Variants in TRPV1 observed in about 807,000 individuals in gnomAD.
TRPV1 encodes the protein OTRPC1.
A neutral mutation model predicts 82.3 loss-of-function variants in TRPV1; 82 were observed. That is an observed-to-expected ratio of 1.00 (90% confidence interval 0.83 to 1.20). The LOEUF (loss-of-function observed/expected upper bound fraction) is 1.20. Ranked by LOEUF, TRPV1 falls within the 50% of genes most tolerant of loss-of-function variation. The probability of loss-of-function intolerance (pLI) is 0.00; values close to 1 mark genes in which losing one functional copy is unlikely to be tolerated. For missense variants in TRPV1, 1,067 were observed against 1,096.8 expected (o/e 0.97, Z 0.38); for synonymous variants, 515 against 467.7 (o/e 1.10, Z -1.30).
At chr17:3,589,084 G>C (rs1437703750) in intron 7 of TRPV1, 2 of 927,030 alleles carry the variant, frequency 2.2e-6, no homozygotes, top group Non-Finnish European at 3.3e-6. Context: ...CCAAGAGCTG[G>C]AGGCCTGTCA....
chr17:3,595,771 G>C (rs1567674247), intron 2 of TRPV1: 1 of 152,264 alleles, frequency 6.6e-6, no homozygotes, highest in Non-Finnish European at 1.5e-5. Context: ...ACAGGAAGCA[G>C]CCGGGATTGT....
intron 2 of TRPV1, among the ~76,000 whole-genome samples, chr17:3,598,568 T>G (rs929649886): frequency 5.4e-5 from 8 of 149,326 alleles, no homozygotes; most frequent in Non-Finnish European, 1.2e-4. Context: ...AGTCACTTTT[T>G]TTTTTTTTTT....
chr17:3,580,342 A>G, intron 11 of TRPV1, 115 bp downstream of exon 11: 1 of 1,034,794 alleles, frequency 9.7e-7, no homozygotes, highest in Non-Finnish European at 1.5e-6. Context: ...TCATTCCCTC[A>G]GCATGTTCAC....
chr17:3,577,944 G>C (rs906065225), intron 11 of TRPV1, 181 bp from the exon 12 acceptor site: 1 of 592,508 alleles, frequency 1.7e-6, no homozygotes, highest in African/African-American at 1.9e-5. Context: ...TCCCCAAGGA[G>C]CAGAAATTGG....
chr17:3,608,903 T>C (rs59652780), intron 1 of TRPV1: 1 of 141,680 alleles, frequency 7.1e-6, no homozygotes, highest in East Asian at 1.9e-4. Context: ...GCTTTGTATT[T>C]ATTTATGAGA....
intron 2 of TRPV1, among the ~76,000 whole-genome samples, chr17:3,593,128 G>C (rs1366227029): frequency 0.017 from 761 of 43,990 alleles, 15 homozygotes; most frequent in African/African-American, 0.13. Context: ...GTGTGTGTGT[G>C]TGTGTGTGTC....
At chr17:3,586,608 CA>C (rs534082694) in intron 8 of TRPV1, among the ~76,000 whole-genome samples, 236 of 152,026 alleles carry the variant, frequency 1.6e-3, no homozygotes, top group African/African-American at 5.2e-3. Context: ...TCCTTCTCTA[CA>C]AAAATACAAA....
At chr17:3,594,889 A>G (rs553437747) in intron 2 of TRPV1, among the ~76,000 whole-genome samples, 2 of 152,248 alleles carry the variant, frequency 1.3e-5, no homozygotes, top group East Asian at 3.9e-4. Flanking sequence ...TAGGGTCTGG[A>G]GACAGACAGG....
At chr17:3,594,962 A>G (rs942759744) in intron 2 of TRPV1, among the ~76,000 whole-genome samples, 8 of 152,182 alleles carry the variant, frequency 5.3e-5, no homozygotes, top group Admixed American at 5.2e-4. Context: ...GCCGGGTTAG[A>G]ACCAGATGGC....
At chr17:3,595,957 G>A (rs1472914492) in intron 2 of TRPV1, 6 of 152,300 alleles carry the variant, frequency 3.9e-5, no homozygotes, top group Admixed American at 3.9e-4. Flanking sequence ...CAGGCCTGGA[G>A]TGTACCCTGC....
At chr17:3,589,558 T>C (rs1193644891) in intron 7 of TRPV1, among the ~76,000 whole-genome samples, 1 of 152,138 alleles carries the variant, frequency 6.6e-6, no homozygotes, top group African/African-American at 2.4e-5. Flanking sequence ...CCCAGCACCC[T>C]ACCCCACCCC....
intron 2 of TRPV1, among the ~76,000 whole-genome samples, chr17:3,597,801 A>G (rs1056928085): frequency 2.0e-5 from 3 of 151,382 alleles, no homozygotes; most frequent in Non-Finnish European, 4.4e-5. Flanking sequence ...AGCCTCCCGA[A>G]TAGCTGCAAT....
In TRPV1 at chr17:3,573,868, G is replaced by A; in HGVS notation, c.1868C>T (p.Pro623Leu). 1.2e-6 allele frequency: 2 copies of A among 1,611,930 alleles called. No individual in the cohort carries two copies. The highest frequency in any genetic ancestry group is 1.7e-6 in the Non-Finnish European group (2 of 1,179,468). Residue 623 changes from proline to leucine, a missense_variant, in exon 14 of 17, where the codon CCC becomes CTC. By Grantham distance (98) the Pro-to-Leu change is moderately conservative. Coordinates refer to ENST00000572705, the MANE Select transcript of TRPV1 (RefSeq NM_080704.4). Reference sequence around the variant, plus strand: ...CAGGCTGTTGTAGGAGCTATCGGGGGGCCTGCAGGCAGGCCCCCGCCACCT... The same window carrying A: ...CAGGCTGTTGTAGGAGCTATCGGGGAGCCTGCAGGCAGGCCCCCGCCACCT... The part of the protein sequence containing the change: ...SHRWRGPACR[P>L]PDSSYNSLYS...
Position 3,600,358 on chromosome 17 carries a change from T to C in TRPV1, c.-33-7975A>G, listed in dbSNP as rs144766424. 3.6e-3 allele frequency among the ~76,000 whole-genome samples: 550 copies of C among 152,200 alleles called. 6 individuals are homozygous for C. In the East Asian group the frequency reaches 0.047, roughly 13 times the overall value. Reference sequence around the variant, plus strand: ...ATCCTAGCACTTTGGGAGGCAGAAGTGGGCGGACTGTCTGAGGTCAGGAGT... The same window carrying C: ...ATCCTAGCACTTTGGGAGGCAGAAGCGGGCGGACTGTCTGAGGTCAGGAGT... On this transcript the variant is annotated intron_variant, in intron 2 of 16. Coordinates refer to ENST00000572705, the MANE Select transcript of TRPV1 (RefSeq NM_080704.4).
At position 3,566,472 on chromosome 17, in the gene TRPV1, T is replaced by C. The variant is rs4790521; in HGVS notation, c.*343A>G. On this transcript the variant is annotated 3_prime_UTR_variant, in exon 17 of 17. Transcript: ENST00000572705. The stretch of plus-strand genomic sequence containing the variant: ...TTGTGCCACTGCATTCCAGCCTGGG[T>C]GAGAAGAGTGAAATTCTGTCTCAAA... The C allele has an allele frequency of 0.32, 53,241 of 164,844 alleles. 8,653 individuals carry two copies. Among genetic ancestry groups the C allele is most frequent in the African/African-American group, 0.34 (14,305 of 42,006 alleles). 10.2% of individuals were successfully genotyped at this position (164,844 alleles called of 1,614,324 possible). A position where few individuals can be genotyped will look rare whatever the true frequency, so the allele number is the denominator to read the frequency against.
chr17:3,588,143 T>G lies in TRPV1; in HGVS notation c.1224+45A>C, dbSNP rs1230295411. 5.9e-6 allele frequency: 9 copies of G among 1,532,098 alleles called. No homozygotes were observed. The East Asian group carries it at 1.7e-4, about 29-fold the overall frequency. The allele number at this position is 1,532,098 out of a possible 1,614,324, so 94.9% of individuals were successfully genotyped here. A position where few individuals can be genotyped will look rare whatever the true frequency, so the allele number is the denominator to read the frequency against. The stretch of plus-strand genomic sequence containing the variant: ...CCAGGGGCTGGGATTGGGGCTTGGG[T>G]GCAGAGGCCCTGAGGCCCTCCCTGG... On this transcript the variant is annotated intron_variant, in intron 8 of 16. Transcript: ENST00000572705.
rs1437763927 is a variant in TRPV1, at chr17:3,568,249, G to A, written c.2348-1262C>T. ...AAGCAGGAGAATGGCGTGAACCCGG[G>A]AGGTGGAGCTTGCAGTGAGCCAAGA... On this transcript the variant is annotated intron_variant, in intron 16 of 16. Transcript: ENST00000572705. Among the ~76,000 whole-genome samples the A allele has an allele frequency of 3.3e-5, 5 of 151,384 alleles. No homozygotes were observed. The South Asian group carries it at 8.4e-4, about 25-fold the overall frequency.
chr17:3,591,585 A>G (rs1399270129), intron 3 of TRPV1, among the ~76,000 whole-genome samples: 3 of 152,216 alleles, frequency 2.0e-5, no homozygotes, highest in African/African-American at 7.2e-5. Context: ...CCATCTAGAA[A>G]GTCACCCTCC....
intron 2 of TRPV1, among the ~76,000 whole-genome samples, chr17:3,603,144 A>AT (rs1270954186): frequency 1.3e-5 from 2 of 151,628 alleles, no homozygotes; most frequent in African/African-American, 4.8e-5. Flanking sequence ...TAAAATTAAA[A>AT]AAAAAAAGAA....
Sources: allele counts gnomAD v4.1 joint callset (sites outside exome capture counted in the v4.1 genomes callset), GRCh38; gene constraint gnomAD v4.1.1; transcripts MANE v1.5; gene names NCBI Gene and HGNC (gene_info 2026-07-23, HGNC 2026-07-21).